The following LRP12 variants were observed in gnomAD, a reference collection of about 807,000 sequenced individuals.
LRP12 encodes the protein LDL receptor related protein 12, also known as low-density lipoprotein receptor-related protein 12.
In LRP12, 14 loss-of-function variants were observed where a neutral mutation model predicts 66.0. The ratio of observed to expected loss-of-function variants is 0.21; its 90% CI spans 0.14 to 0.33. The LOEUF is 0.33. Among genes scored for constraint, LRP12 ranks in the 10% least tolerant of loss-of-function variants. LRP12 has a pLI of 1.00. For synonymous variants in LRP12, 357 were observed against 359.1 expected (o/e 0.99, Z 0.07); for missense variants, 889 against 1,053.4 (o/e 0.84, Z 2.16).
At chr8:104,507,052 G>A (rs970606516) in intron 3 of LRP12, 11 of 152,026 alleles carry the variant, frequency 7.2e-5, no homozygotes, top group African/African-American at 2.7e-4. Flanking sequence ...TACATGGTAA[G>A]TTAATTTAAT....
chr8:104,577,945 G>A (rs1198118306), intron 1 of LRP12, among the ~76,000 whole-genome samples: 1 of 151,818 alleles, frequency 6.6e-6, no homozygotes, highest in Non-Finnish European at 1.5e-5. Context: ...ACATCAAAAA[G>A]TTAGAAAGAT....
chr8:104,491,042 T>G lies in LRP12; in HGVS notation c.2211A>C (p.Leu737=). The change falls in exon 7 of 7, where the codon CTA becomes CTC. Residue 737 remains leucine (L), a synonymous_variant. Coordinates refer to ENST00000276654, the MANE Select transcript of LRP12 (RefSeq NM_013437.5). The part of the protein sequence containing the change: ...TSALSRMTQG[L]RWVRFTLGRS... ...GTCCTAATGTAAAACGTACCCAGCG[T>G]AGCCCCTGAGTCATACGACTGAGTG... is the stretch of plus-strand genomic sequence containing the variant. 1 of 1,614,170 alleles carries G rather than the reference T, an allele frequency of 6.2e-7. No individual in the cohort carries two copies. Among genetic ancestry groups the G allele is most frequent in the Non-Finnish European group, 8.5e-7 (1 of 1,180,014 alleles).
rs747838229 is a variant in LRP12 at position 104,491,366 on chromosome 8, G to A, written c.1887C>T (p.Val629=). The A allele has an allele frequency of 6.2e-7, 1 of 1,614,026 alleles. No individual in the cohort carries two copies. Among genetic ancestry groups the A allele is most frequent in the South Asian group, 1.1e-5 (1 of 91,062 alleles). Residue 629 remains valine, a synonymous_variant, in exon 7 of 7, where the codon GTC becomes GTT. Transcript: ENST00000276654. ...ALVSADGDEV[V]PSQSTSREPE... is the part of the protein sequence containing the mutation. ...GTTCTCTACTGGTACTCTGACTAGG[G>A]ACAACCTCATCTCCATCTGCTGAGA...
Position 104,537,067 on chromosome 8 carries a change from TA to T in LRP12, c.80-5105del, listed in dbSNP as rs563891275. Among the ~76,000 whole-genome samples, 617 of 141,056 alleles carry T rather than the reference TA, an allele frequency of 4.4e-3. 1 individual carries two copies. Among genetic ancestry groups the T allele is most frequent in the Non-Finnish European group, 5.4e-3 (348 of 64,004 alleles). 92.5% of individuals were successfully genotyped at this position (141,056 alleles called of 152,430 possible). A position where few individuals can be genotyped will look rare whatever the true frequency, so the allele number is the denominator to read the frequency against. ...ACAATTAAGAAAACAGAAAAATATG[TA>T]AAAAAAAAAAAATCAGACACTGGGC... On this transcript the variant is annotated intron_variant, in intron 1 of 6. Coordinates refer to ENST00000276654, the MANE Select transcript of LRP12 (RefSeq NM_013437.5).
intron 3 of LRP12, among the ~76,000 whole-genome samples, chr8:104,503,696 C>G (rs560237209): frequency 1.2e-4 from 19 of 152,252 alleles, no homozygotes; most frequent in African/African-American, 4.3e-4. Flanking sequence ...GTACACAGTA[C>G]TTTCATACAA....
intron 6 of LRP12, among the ~76,000 whole-genome samples, chr8:104,493,726 T>C (rs1810674960): frequency 6.6e-6 from 1 of 152,226 alleles, no homozygotes; most frequent in South Asian, 2.1e-4. Flanking sequence ...AGTGCACCAG[T>C]ACAAACTCCG....
chr8:104,522,876 T>G (rs1167677539), intron 2 of LRP12, among the ~76,000 whole-genome samples: 1 of 151,668 alleles, frequency 6.6e-6, no homozygotes, highest in Non-Finnish European at 1.5e-5. Flanking sequence ...TGACAGCAAA[T>G]AAAAGGTTGA....
At position 104,497,844 on chromosome 8, in the gene LRP12, A is replaced by C; in HGVS notation, c.708T>G (p.Ser236=). 6.2e-7 allele frequency: 1 copy of C among 1,614,204 alleles called. No homozygotes were observed. The change falls in exon 5 of 7, where the codon TCT becomes TCG. Residue 236 remains serine, a synonymous_variant. Coordinates refer to ENST00000276654, the MANE Select transcript of LRP12 (RefSeq NM_013437.5). This position sits in a 1 kb window ranked among gnomAD's most constrained non-coding sequence, Gnocchi z 4.3. ...FTKVYTCLPE[S]LKCDGNIDCL... ...AGTCAATGTTCCCATCACATTTTAAAGATTCGGGGAGGCAAGTGTAAACTT... is the reference window on the plus strand; with the variant it reads ...AGTCAATGTTCCCATCACATTTTAACGATTCGGGGAGGCAAGTGTAAACTT...
Position 104,489,873 on chromosome 8 carries a change from T to A in LRP12, c.*800A>T, listed in dbSNP as rs1489715591. ...GAAAGACATTACCAGGTGGAACTTA[T>A]CTTGTACAATTTTTGTACATGTTTT... is the stretch of plus-strand genomic sequence containing the variant. On this transcript the variant is annotated 3_prime_UTR_variant, in exon 7 of 7. Coordinates refer to ENST00000276654, the MANE Select transcript of LRP12 (RefSeq NM_013437.5). The A allele has an allele frequency of 1.3e-5, 2 of 152,642 alleles. No homozygotes were observed. The highest frequency in any genetic ancestry group is 2.4e-5 in the African/African-American group (1 of 41,468). The allele number at this position is 152,642 out of a possible 1,614,324, so 9.5% of individuals were successfully genotyped here.
intron 3 of LRP12, among the ~76,000 whole-genome samples, chr8:104,501,422 G>A (rs1007204222): frequency 3.3e-5 from 5 of 151,810 alleles, no homozygotes; most frequent in South Asian, 2.1e-4. Context: ...ATTCTTGGCC[G>A]GGCATGGTGG....
rs1346126770 is a variant in LRP12 at position 104,563,168 on chromosome 8, GCTTC to G, written c.79+25647_79+25650del. On this transcript the variant is annotated intron_variant, in intron 1 of 6. Coordinates refer to ENST00000276654, the MANE Select transcript of LRP12 (RefSeq NM_013437.5). Reference sequence around the variant, plus strand: ...AGATACTTAACCTTTTTGTTCCTCAGCTTCCTTATTTGTAAAATGGAAATAGTAT... The same window carrying G: ...AGATACTTAACCTTTTTGTTCCTCAGCTTATTTGTAAAATGGAAATAGTAT... Among the ~76,000 whole-genome samples, 4 of 152,138 alleles carry G rather than the reference GCTTC, an allele frequency of 2.6e-5. No individual in the cohort carries two copies. In the South Asian group the frequency reaches 8.3e-4, roughly 32 times the overall value.
chr8:104,525,218 G>A (rs1588491951), intron 2 of LRP12, among the ~76,000 whole-genome samples: 1 of 151,902 alleles, frequency 6.6e-6, no homozygotes, highest in Non-Finnish European at 1.5e-5. Context: ...TATATATGAA[G>A]AGAGATTTAA....
At chr8:104,494,301 A>G (rs1197664908) in intron 6 of LRP12, among the ~76,000 whole-genome samples, 2 of 152,238 alleles carry the variant, frequency 1.3e-5, no homozygotes, top group Non-Finnish European at 2.9e-5. Flanking sequence ...TTGAAACTAC[A>G]AATTCTCACC....
chr8:104,491,909 A>G (rs987972565), intron 6 of LRP12, among the ~76,000 whole-genome samples: 1 of 152,194 alleles, frequency 6.6e-6, no homozygotes, highest in African/African-American at 2.4e-5. Flanking sequence ...AACTAGGAAC[A>G]TAGGAGAATC....
chr8:104,528,706 C>T (rs770576992), intron 2 of LRP12, among the ~76,000 whole-genome samples: 1 of 151,768 alleles, frequency 6.6e-6, no homozygotes, highest in Non-Finnish European at 1.5e-5. Context: ...ACCCGGGAGG[C>T]AGCGGTCGTA....
In LRP12 at chr8:104,578,116, T is replaced by G. The variant is rs535839231; in HGVS notation, c.79+10703A>C. On this transcript the variant is annotated intron_variant, in intron 1 of 6. Transcript: ENST00000276654. ...AAACATCAACAAATCCAGGAGCTGG[T>G]TTTTTTTTTGAAAAAATTAATAAAA... is the stretch of plus-strand genomic sequence containing the variant. 7.5e-5 allele frequency among the ~76,000 whole-genome samples: 11 copies of G among 147,074 alleles called. No homozygotes were observed. In the East Asian group the frequency reaches 7.9e-4, roughly 11 times the overall value.
chr8:104,536,181 T>G (rs1408402810), intron 1 of LRP12, among the ~76,000 whole-genome samples: 1 of 152,094 alleles, frequency 6.6e-6, no homozygotes, highest in Non-Finnish European at 1.5e-5. Context: ...TCTTTACCTC[T>G]TGTGACCCAC....
chr8:104,531,667 T>C (rs1315202797), intron 2 of LRP12, among the ~76,000 whole-genome samples: 1 of 152,132 alleles, frequency 6.6e-6, no homozygotes. Flanking sequence ...GTTCAATGTT[T>C]GTATGAAAAA....
intron 3 of LRP12, chr8:104,505,804 G>A (rs1259344782): frequency 6.6e-6 from 1 of 152,124 alleles, no homozygotes; most frequent in Non-Finnish European, 1.5e-5. Context: ...TATTTTAACT[G>A]AAATGCTGAA....
Sources: allele counts gnomAD v4.1 joint callset (sites outside exome capture counted in the v4.1 genomes callset), GRCh38; gene constraint gnomAD v4.1.1; non-coding constraint Gnocchi (gnomAD v3.1); transcripts MANE v1.5; gene names NCBI Gene and HGNC (gene_info 2026-07-23, HGNC 2026-07-21).